FSTL5: variants seen among roughly 807,000 people sequenced by gnomAD.
FSTL5 encodes follistatin-related protein 5.
FSTL5 carries 62 observed loss-of-function variants against 89.1 expected under a neutral mutation model. That is an observed-to-expected ratio of 0.70 (90% CI 0.57 to 0.86). FSTL5 has a LOEUF of 0.86. Ranked by LOEUF, FSTL5 falls within the 40% of genes least tolerant of loss-of-function variation. The probability of loss-of-function intolerance (pLI) is 0.00; values close to 1 mark genes in which losing one functional copy is unlikely to be tolerated. For synonymous variants in FSTL5, 383 were observed against 346.2 expected (o/e 1.11, Z -1.18); for missense variants, 1,057 against 1,001.6 (o/e 1.06, Z -0.75).
chr4:161,801,612 A>C (rs539246930), intron 4 of FSTL5, among the ~76,000 whole-genome samples: 1 of 151,260 alleles, frequency 6.6e-6, no homozygotes, highest in African/African-American at 2.4e-5. Context: ...TACTATTAAC[A>C]CTCAGAATTT....
At chr4:161,698,151 C>G (rs1360149831) in intron 6 of FSTL5, among the ~76,000 whole-genome samples, 2 of 152,146 alleles carry the variant, frequency 1.3e-5, no homozygotes, top group Non-Finnish European at 2.9e-5. Context: ...CTTCTGCCTT[C>G]TGCCATGTGA....
At chr4:161,540,253 A>G (rs1291655106) in intron 9 of FSTL5, among the ~76,000 whole-genome samples, 1 of 152,142 alleles carries the variant, frequency 6.6e-6, no homozygotes, top group Non-Finnish European at 1.5e-5. Context: ...GCGAGTTTAT[A>G]ATTTTCAGAT....
At chr4:161,505,185 T>C (rs189726095) in intron 11 of FSTL5, among the ~76,000 whole-genome samples, 2 of 152,266 alleles carry the variant, frequency 1.3e-5, no homozygotes, top group East Asian at 3.9e-4. Context: ...AAGAATAATA[T>C]AGGCAAGAAT....
intron 2 of FSTL5, among the ~76,000 whole-genome samples, chr4:162,067,479 T>G (rs2111299976): frequency 6.6e-6 from 1 of 152,238 alleles, no homozygotes; most frequent in Admixed American, 6.5e-5. Flanking sequence ...GAGTGATTTA[T>G]ATTCCTTTGG....
intron 3 of FSTL5, 97 bp from the exon 4 acceptor site, chr4:161,920,749 A>G (rs1733973230): frequency 8.1e-7 from 1 of 1,227,888 alleles, no homozygotes; most frequent in African/African-American, 1.5e-5. Flanking sequence ...GTTCTAAGAA[A>G]AGTATAGTAT....
intron 1 of FSTL5, among the ~76,000 whole-genome samples, chr4:162,143,265 A>G (rs1032395): frequency 0.53 from 79,982 of 151,802 alleles, 21,249 homozygotes; most frequent in Admixed American, 0.59. Context: ...TAACTTGTAA[A>G]GATTATTGAC....
intron 15 of FSTL5, among the ~76,000 whole-genome samples, chr4:161,390,059 T>A (rs1730770022): frequency 6.6e-6 from 1 of 152,154 alleles, no homozygotes; most frequent in African/African-American, 2.4e-5. Context: ...AGTGTCTATG[T>A]CCAGTCCACA....
chr4:161,894,939 T>C (rs1006172072), intron 4 of FSTL5, among the ~76,000 whole-genome samples: 1 of 152,226 alleles, frequency 6.6e-6, no homozygotes, highest in African/African-American at 2.4e-5. Context: ...AGCAAATCAA[T>C]GCTTTGAAAA....
chr4:162,090,706 A>G lies in FSTL5; in HGVS notation c.126+20565T>C, dbSNP rs182537358. 7.2e-4 allele frequency among the ~76,000 whole-genome samples: 110 copies of G among 152,024 alleles called. 1 individual carries two copies. Among genetic ancestry groups the G allele is most frequent in the African/African-American group, 2.6e-3 (108 of 41,468 alleles). ...CGTGGTGGTGCACGCCTGTAATCCCAACTACTTGGGTGGCTGAGGCACGGA... is the reference window on the plus strand; with the variant it reads ...CGTGGTGGTGCACGCCTGTAATCCCGACTACTTGGGTGGCTGAGGCACGGA... On this transcript the variant is annotated intron_variant, in intron 2 of 15. Transcript: ENST00000306100.
chr4:161,649,822 A>C (rs1211985734), intron 7 of FSTL5, among the ~76,000 whole-genome samples: 1 of 152,238 alleles, frequency 6.6e-6, no homozygotes, highest in Non-Finnish European at 1.5e-5. Flanking sequence ...TCTTTACAAC[A>C]GCAACAATAA....
rs183839793 is a variant in FSTL5, at chr4:161,751,486, C to T, written c.727+7925G>A. Among the ~76,000 whole-genome samples the T allele has an allele frequency of 2.1e-3, 326 of 152,174 alleles. 4 individuals carry two copies. The highest frequency in any genetic ancestry group is 7.6e-3 in the African/African-American group (315 of 41,512). ...GCCAGGGGATAGCTATGAACTCTAA[C>T]ATAAAATGTTTTATAATCAGCCCTG... On this transcript the variant is annotated intron_variant, in intron 6 of 15. Coordinates refer to ENST00000306100, the MANE Select transcript of FSTL5 (RefSeq NM_020116.5).
intron 2 of FSTL5, among the ~76,000 whole-genome samples, chr4:162,086,620 T>C (rs1407141469): frequency 6.6e-6 from 1 of 152,002 alleles, no homozygotes; most frequent in Non-Finnish European, 1.5e-5. Context: ...AAATTTATAG[T>C]TTATTTCAAG....
intron 14 of FSTL5, 23 bp downstream of exon 14, chr4:161,459,189 C>A: frequency 7.9e-7 from 1 of 1,259,154 alleles, no homozygotes; most frequent in Non-Finnish European, 1.2e-6. Flanking sequence ...GTTATTTTCT[C>A]TAATATACTG....
chr4:161,937,414 C>A (rs987476815), intron 3 of FSTL5, among the ~76,000 whole-genome samples: 3 of 152,004 alleles, frequency 2.0e-5, no homozygotes, highest in African/African-American at 7.2e-5. Context: ...GAATTGCCAA[C>A]TTGAGAGAGT....
intron 15 of FSTL5, among the ~76,000 whole-genome samples, chr4:161,398,775 G>T (rs562418425): frequency 1.3e-5 from 2 of 151,988 alleles, no homozygotes; most frequent in South Asian, 4.1e-4. Flanking sequence ...TAGCATGAAG[G>T]TTATTCCACA....
intron 4 of FSTL5, among the ~76,000 whole-genome samples, chr4:161,831,378 G>A (rs909279316): frequency 2.0e-5 from 3 of 151,840 alleles, no homozygotes; most frequent in Non-Finnish European, 4.4e-5. Flanking sequence ...GATAGGACAA[G>A]CAAGCACCAT....
chr4:162,057,068 AG>A (rs1235095410), intron 2 of FSTL5, among the ~76,000 whole-genome samples: 8 of 152,248 alleles, frequency 5.3e-5, no homozygotes, highest in Non-Finnish European at 8.8e-5. Context: ...GCCTGCGTGC[AG>A]CAGGTTGCAA....
intron 8 of FSTL5, among the ~76,000 whole-genome samples, chr4:161,561,266 A>G (rs895977275): frequency 1.3e-5 from 2 of 152,014 alleles, no homozygotes; most frequent in Non-Finnish European, 2.9e-5. Context: ...CAGGAATTTG[A>G]CCTTACAGAA....
intron 7 of FSTL5, among the ~76,000 whole-genome samples, chr4:161,621,779 C>T (rs867757079): frequency 4.1e-5 from 6 of 145,926 alleles, no homozygotes; most frequent in South Asian, 2.1e-4. Context: ...GCCAGGAGTT[C>T]GAGACCAGCC....
Sources: allele counts gnomAD v4.1 joint callset (sites outside exome capture counted in the v4.1 genomes callset), GRCh38; gene constraint gnomAD v4.1.1; transcripts MANE v1.5; gene names NCBI Gene and HGNC (gene_info 2026-07-23, HGNC 2026-07-21).